The following MOB3B variants were observed in gnomAD, a reference collection of about 807,000 sequenced individuals.
MOB3B encodes MOB kinase activator 3B.
Under a neutral mutation model 18.7 loss-of-function variants are expected in MOB3B, and 7 were observed. That is an observed-to-expected ratio of 0.37 (90% confidence interval 0.21 to 0.70). The LOEUF (loss-of-function observed/expected upper bound fraction) is 0.70. Among genes scored for constraint, MOB3B ranks in the 30% least tolerant of loss-of-function variants. The probability of loss-of-function intolerance (pLI) is 0.52; values close to 1 mark genes in which losing one functional copy is unlikely to be tolerated. For synonymous variants in MOB3B, 111 were observed against 99.9 expected, an observed-to-expected ratio of 1.11 and a Z score of -0.66; for missense variants, 253 against 281.3, an observed-to-expected ratio of 0.90 and a Z score of 0.72.
intron 3 of MOB3B, among the ~76,000 whole-genome samples, chr9:27,342,948 C>G (rs963372615): frequency 2.0e-5 from 3 of 150,290 alleles, no homozygotes; most frequent in African/African-American, 7.5e-5. Context: ...AGTGAGGAGC[C>G]CCTCTGCCCG....
chr9:27,445,873 TG>T (rs984985478), intron 2 of MOB3B, among the ~76,000 whole-genome samples: 5 of 152,126 alleles, frequency 3.3e-5, no homozygotes, highest in Admixed American at 3.3e-4. Flanking sequence ...ATCCAGGGGG[TG>T]GGCAACACAA....
chr9:27,336,665 T>C (rs10118453), intron 3 of MOB3B, among the ~76,000 whole-genome samples: 23,699 of 151,964 alleles, frequency 0.16, 3,496 homozygotes, highest in African/African-American at 0.39. Flanking sequence ...GTTGTGTACT[T>C]CTCACTAACC....
intron 2 of MOB3B, among the ~76,000 whole-genome samples, chr9:27,449,194 C>T (rs1484307185): frequency 6.6e-6 from 1 of 152,146 alleles, no homozygotes; most frequent in Non-Finnish European, 1.5e-5. Context: ...GTATTTATAA[C>T]CCTCATCACA....
At chr9:27,429,237 T>C (rs530849357) in intron 2 of MOB3B, among the ~76,000 whole-genome samples, 112 of 152,240 alleles carry the variant, frequency 7.4e-4, no homozygotes, top group African/African-American at 2.6e-3. Flanking sequence ...CTCTCAATAA[T>C]GCTCTAAGAT....
At chr9:27,515,982 T>C (rs1820227043) in intron 1 of MOB3B, among the ~76,000 whole-genome samples, 1 of 152,190 alleles carries the variant, frequency 6.6e-6, no homozygotes, top group East Asian at 1.9e-4. Flanking sequence ...AGTGTGCTGA[T>C]AAGAAGGCCA....
chr9:27,376,947 T>C (rs938637382), intron 2 of MOB3B, among the ~76,000 whole-genome samples: 9 of 152,178 alleles, frequency 5.9e-5, no homozygotes, highest in Non-Finnish European at 1.0e-4. Context: ...TGGCTGAAGA[T>C]TTACAGAATC....
At chr9:27,473,074 G>C (rs1350560100) in intron 1 of MOB3B, among the ~76,000 whole-genome samples, 1 of 152,142 alleles carries the variant, frequency 6.6e-6, no homozygotes, top group African/African-American at 2.4e-5. Flanking sequence ...GTCCTCATTT[G>C]CTCTCCCTTA....
Position 27,455,338 on chromosome 9 carries a change from G to A in MOB3B, c.213C>T (p.Ile71=), listed in dbSNP as rs2131449503. The part of the protein sequence containing the change: ...AVHVVDFFNR[I]NLIYGTICEF... ...CACAGATGGTGCCATAGATGAGGTT[G>A]ATCCGATTGAAGAAGTCCACCACAT... Residue 71 remains isoleucine (I), a synonymous_variant, in exon 2 of 4, where the codon ATC becomes ATT. Coordinates refer to ENST00000262244, the MANE Select transcript of MOB3B (RefSeq NM_024761.5). 1 of 1,614,116 alleles carries A rather than the reference G, an allele frequency of 6.2e-7. No homozygotes were observed. The highest frequency in any genetic ancestry group is 8.5e-7 in the Non-Finnish European group (1 of 1,180,006).
chr9:27,515,555 T>C (rs1250348448), intron 1 of MOB3B, among the ~76,000 whole-genome samples: 1 of 152,246 alleles, frequency 6.6e-6, no homozygotes, highest in African/African-American at 2.4e-5. Flanking sequence ...CACTTAATAA[T>C]TGTTAAATTA....
At chr9:27,461,468 T>C (rs1819286483) in intron 1 of MOB3B, among the ~76,000 whole-genome samples, 2 of 152,256 alleles carry the variant, frequency 1.3e-5, no homozygotes, top group African/African-American at 2.4e-5. Context: ...AGCTGTCATA[T>C]CACTGCATTT....
At position 27,331,484 on chromosome 9, in the gene MOB3B, G is replaced by A. The variant is rs1218766893; in HGVS notation, c.622-868C>T. ...TGTACATCTCTGTGTGTGTGTGTGT[G>A]TACTGGGGCTCTGGACATGTCTGTT... On this transcript the variant is annotated intron_variant, in intron 3 of 3. Transcript: ENST00000262244. Among the ~76,000 whole-genome samples, 4 of 151,088 alleles carry A rather than the reference G, an allele frequency of 2.6e-5. No individual in the cohort carries two copies. The East Asian group carries it at 7.7e-4, about 29-fold the overall frequency.
chr9:27,495,924 T>C (rs1442811506), intron 1 of MOB3B, among the ~76,000 whole-genome samples: 1 of 152,204 alleles, frequency 6.6e-6, no homozygotes, highest in Non-Finnish European at 1.5e-5. Context: ...TCTCCTATCC[T>C]GGAGGAACAG....
chr9:27,456,136 TC>T (rs1323803309), intron 1 of MOB3B, among the ~76,000 whole-genome samples: 1 of 152,006 alleles, frequency 6.6e-6, no homozygotes, highest in Admixed American at 6.6e-5. Context: ...TGGGGACACT[TC>T]CCCCATCCTT....
At chr9:27,334,682 T>C (rs990146286) in intron 3 of MOB3B, among the ~76,000 whole-genome samples, 1 of 152,122 alleles carries the variant, frequency 6.6e-6, no homozygotes, top group African/African-American at 2.4e-5. Context: ...CAGTGGAGGA[T>C]AGGGAATAAT....
chr9:27,389,325 C>G (rs1223078302), intron 2 of MOB3B, among the ~76,000 whole-genome samples: 1 of 150,116 alleles, frequency 6.7e-6, no homozygotes, highest in Admixed American at 6.7e-5. Flanking sequence ...GCTTTATGTG[C>G]TCTGCCTCCT....
Position 27,427,265 on chromosome 9 carries a change from A to G in MOB3B, c.418+27868T>C, listed in dbSNP as rs186701747. On this transcript the variant is annotated intron_variant, in intron 2 of 3. Coordinates refer to ENST00000262244, the MANE Select transcript of MOB3B (RefSeq NM_024761.5). ...GACTTTATGTTCAACAAAAGGAGAA[A>G]CTTCAGGAACTGATATAGCCCAAAT... Among the ~76,000 whole-genome samples the G allele has an allele frequency of 6.4e-4, 98 of 152,304 alleles. No individual in the cohort carries two copies. In the Middle Eastern group the frequency reaches 0.01, roughly 16 times the overall value.
At chr9:27,407,069 C>T (rs1396187727) in intron 2 of MOB3B, among the ~76,000 whole-genome samples, 4 of 152,072 alleles carry the variant, frequency 2.6e-5, no homozygotes, top group African/African-American at 9.7e-5. Context: ...GAACTCCTGA[C>T]CTCGTGATTC....
intron 2 of MOB3B, chr9:27,378,572 C>G (rs1467193530): frequency 2.1e-6 from 1 of 471,042 alleles, no homozygotes; most frequent in Non-Finnish European, 4.4e-6. Context: ...GGCCGGGGAT[C>G]TGGTGTGCCA....
chr9:27,525,298 G>A (rs1820420028), intron 1 of MOB3B, among the ~76,000 whole-genome samples: 1 of 152,166 alleles, frequency 6.6e-6, no homozygotes, highest in South Asian at 2.1e-4. Flanking sequence ...AATGGCTAGA[G>A]GATAGGGAGC....
Sources: allele counts gnomAD v4.1 joint callset (sites outside exome capture counted in the v4.1 genomes callset), GRCh38; gene constraint gnomAD v4.1.1; transcripts MANE v1.5; gene names NCBI Gene and HGNC (gene_info 2026-07-23, HGNC 2026-07-21).